Variants in EXOC4 observed in about 807,000 individuals in gnomAD.
The protein encoded by EXOC4 is exocyst complex component 4.
A neutral mutation model predicts 107.2 loss-of-function variants in EXOC4; 71 were observed. That is an observed-to-expected ratio of 0.66 (90% confidence interval 0.55 to 0.81). The LOEUF is 0.81. Among genes scored for constraint, EXOC4 ranks in the 30% least tolerant of loss-of-function variants. EXOC4 has a pLI of 0.00. For missense variants in EXOC4, 1,108 were observed against 1,189.6 expected (o/e 0.93, Z 1.01); for synonymous variants, 456 against 441.2 (o/e 1.03, Z -0.42).
At chr7:133,668,702 A>G (rs900932523) in intron 10 of EXOC4, among the ~76,000 whole-genome samples, 6 of 152,222 alleles carry the variant, frequency 3.9e-5, no homozygotes, top group African/African-American at 1.4e-4. Flanking sequence ...ATGTTAGGAC[A>G]TGGTCAACAG....
intron 5 of EXOC4, among the ~76,000 whole-genome samples, chr7:133,325,282 G>C (rs1795211447): frequency 6.6e-6 from 1 of 152,180 alleles, no homozygotes; most frequent in South Asian, 2.1e-4. Context: ...TTGCTTGTTA[G>C]TTGATGCAGT....
At chr7:133,847,334 T>A (rs957900389) in intron 11 of EXOC4, among the ~76,000 whole-genome samples, 10 of 152,000 alleles carry the variant, frequency 6.6e-5, no homozygotes, top group African/African-American at 2.4e-4. Context: ...GCAAGGGCAA[T>A]TTTTCTAGAG....
chr7:133,688,578 C>T (rs748511664), intron 10 of EXOC4, among the ~76,000 whole-genome samples: 6 of 152,062 alleles, frequency 3.9e-5, no homozygotes, highest in Admixed American at 6.6e-5. Flanking sequence ...GCTAGAAGAA[C>T]GTGGCCTGAA....
chr7:133,869,338 A>G (rs1429716184), intron 11 of EXOC4, among the ~76,000 whole-genome samples: 1 of 152,102 alleles, frequency 6.6e-6, no homozygotes, highest in Non-Finnish European at 1.5e-5. Flanking sequence ...GCCTGGGGGC[A>G]GCTCTGGGCT....
intron 5 of EXOC4, among the ~76,000 whole-genome samples, chr7:133,350,632 AT>A (rs1319575245): frequency 6.6e-6 from 1 of 151,908 alleles, no homozygotes; most frequent in Non-Finnish European, 1.5e-5. Context: ...AGTCTTCTAG[AT>A]TTGTTCTTCT....
At chr7:134,027,919 A>G (rs1176164750) in intron 17 of EXOC4, among the ~76,000 whole-genome samples, 1 of 152,202 alleles carries the variant, frequency 6.6e-6, no homozygotes, top group Non-Finnish European at 1.5e-5. Flanking sequence ...AATGATCCAG[A>G]TAGGGCTAGA....
Position 133,604,706 on chromosome 7 carries a change from C to CTTTTTTTTTTTTTTTTT in EXOC4, c.1418-25336_1418-25335insTTTTTTTTTTTTTTTTT, listed in dbSNP as rs1554477961. On this transcript the variant is annotated intron_variant, in intron 9 of 17. Transcript: ENST00000253861. Reference sequence around the variant, plus strand: ...TTTTTCTTTCCTTCCTTCCTTCCTTCTTTCTTTTTTTTTTTTTTTTTTTTT... The same window carrying CTTTTTTTTTTTTTTTTT: ...TTTTTCTTTCCTTCCTTCCTTCCTTCTTTTTTTTTTTTTTTTTTTTCTTTTTTTTTTTTTTTTTTTTT... Among the ~76,000 whole-genome samples, 224 of 87,470 alleles carry CTTTTTTTTTTTTTTTTT rather than the reference C, an allele frequency of 2.6e-3. 38 individuals carry two copies. Among genetic ancestry groups the CTTTTTTTTTTTTTTTTT allele is most frequent in the Middle Eastern group, 7.2e-3 (1 of 138 alleles). 57.4% of individuals were successfully genotyped at this position (87,470 alleles called of 152,430 possible).
chr7:133,887,405 T>C (rs887585160), intron 11 of EXOC4, among the ~76,000 whole-genome samples: 4 of 152,070 alleles, frequency 2.6e-5, no homozygotes, highest in Non-Finnish European at 5.9e-5. Context: ...GGATGGGAGA[T>C]GGACAAAAAG....
intron 5 of EXOC4, among the ~76,000 whole-genome samples, chr7:133,355,540 CCT>C (rs1427249473): frequency 1.3e-5 from 2 of 152,058 alleles, no homozygotes; most frequent in Non-Finnish European, 2.9e-5. Context: ...GCAGTTCTCC[CCT>C]CTCTCCAACT....
intron 7 of EXOC4, among the ~76,000 whole-genome samples, chr7:133,402,774 G>A (rs1797119174): frequency 6.6e-6 from 1 of 152,150 alleles, no homozygotes; most frequent in East Asian, 1.9e-4. Context: ...AAAGTGCTGG[G>A]ATTGCAGGCA....
At chr7:133,542,309 C>G (rs905374307) in intron 9 of EXOC4, among the ~76,000 whole-genome samples, 1 of 151,816 alleles carries the variant, frequency 6.6e-6, no homozygotes, top group Non-Finnish European at 1.5e-5. Context: ...AGAGTATGAT[C>G]CTAATTCTCA....
At chr7:133,496,319 C>T (rs2150881093) in intron 9 of EXOC4, among the ~76,000 whole-genome samples, 1 of 152,170 alleles carries the variant, frequency 6.6e-6, no homozygotes, top group African/African-American at 2.4e-5. Flanking sequence ...CCGCATGCAC[C>T]ATCACACCTG....
intron 17 of EXOC4, among the ~76,000 whole-genome samples, chr7:134,049,232 T>C (rs1049728677): frequency 6.6e-6 from 1 of 152,234 alleles, no homozygotes; most frequent in Non-Finnish European, 1.5e-5. Context: ...TTTTATCAAA[T>C]CTTGGTAATA....
At chr7:133,792,119 C>G (rs1054681067) in intron 10 of EXOC4, among the ~76,000 whole-genome samples, 2 of 152,154 alleles carry the variant, frequency 1.3e-5, no homozygotes, top group African/African-American at 4.8e-5. Flanking sequence ...GGGCAGTTCA[C>G]AGACCCCATC....
chr7:133,932,329 G>A (rs1374795782), intron 13 of EXOC4, among the ~76,000 whole-genome samples: 2 of 152,126 alleles, frequency 1.3e-5, no homozygotes, highest in African/African-American at 4.8e-5. Flanking sequence ...CACCATCTTA[G>A]GAACTATTTT....
At chr7:133,606,998 C>T (rs1419355111) in intron 9 of EXOC4, among the ~76,000 whole-genome samples, 1 of 152,108 alleles carries the variant, frequency 6.6e-6, no homozygotes, top group African/African-American at 2.4e-5. Context: ...AGCTGTAGAT[C>T]CTTTTTCTAG....
At chr7:133,276,611 T>G (rs1183815343) in intron 2 of EXOC4, among the ~76,000 whole-genome samples, 1 of 152,100 alleles carries the variant, frequency 6.6e-6, no homozygotes, top group African/African-American at 2.4e-5. Context: ...TCTCCTCTTC[T>G]TTGGTTTTGG....
chr7:134,023,610 G>A (rs572558971), intron 17 of EXOC4, among the ~76,000 whole-genome samples: 6 of 152,136 alleles, frequency 3.9e-5, no homozygotes, highest in African/African-American at 1.4e-4. Flanking sequence ...TAAGTAACCC[G>A]GGTTCTACAC....
At chr7:133,355,061 G>A (rs1015620864) in intron 5 of EXOC4, among the ~76,000 whole-genome samples, 6 of 152,184 alleles carry the variant, frequency 3.9e-5, no homozygotes, top group Admixed American at 1.3e-4. Flanking sequence ...ATCATCTGAA[G>A]TAGAGGTTTT....
Sources: allele counts gnomAD v4.1 joint callset (sites outside exome capture counted in the v4.1 genomes callset), GRCh38; gene constraint gnomAD v4.1.1; transcripts MANE v1.5; gene names NCBI Gene and HGNC (gene_info 2026-07-23, HGNC 2026-07-21).